Variants in USP6 observed in about 807,000 individuals in gnomAD.
USP6 encodes the protein ubiquitin specific peptidase 6, also known as ubiquitin carboxyl-terminal hydrolase 6.
Under a neutral mutation model 175.7 loss-of-function variants are expected in USP6, and 128 were observed. The observed-to-expected ratio is 0.73, with a 90% CI of 0.63 to 0.84. USP6 has a LOEUF of 0.84. USP6 is among the 40% of genes least tolerant of loss of function. The probability of loss-of-function intolerance (pLI) is 0.00; values close to 1 mark genes in which losing one functional copy is unlikely to be tolerated. For missense variants in USP6, 1,498 were observed against 1,760.3 expected, an observed-to-expected ratio of 0.85 and a Z score of 2.67; for synonymous variants, 562 against 630.6, an observed-to-expected ratio of 0.89 and a Z score of 1.63.
At chr17:5,166,476 C>G (rs577548645) in intron 33 of USP6, among the ~76,000 whole-genome samples, 1 of 152,204 alleles carries the variant, frequency 6.6e-6, no homozygotes, top group South Asian at 2.1e-4. Flanking sequence ...CCTAAGGTTC[C>G]CATCATGAGT....
chr17:5,138,226 C>T lies in USP6; in HGVS notation c.1031C>T (p.Ala344Val), dbSNP rs142089448. Residue 344 changes from alanine (A) to valine (V), a missense_variant, in exon 21 of 38, where the codon GCC (alanine) becomes GTC (valine). Ala to Val is a moderately conservative substitution (Grantham distance 64). Transcript: ENST00000574788. ...NDDTVLKHLR[A>V]STKKLTRKQG... is the part of the protein sequence containing the mutation. ...GACACCGTGCTCAAGCATCTTAGGG[C>T]CTCTACGAAGAAACTAACAAGGAAG... 3 of 1,613,934 alleles carry T rather than the reference C, an allele frequency of 1.9e-6. No individual in the cohort carries two copies. Among genetic ancestry groups the T allele is most frequent in the East Asian group, 2.2e-5 (1 of 44,890 alleles).
Position 5,139,328 on chromosome 17 carries a change from G to T in USP6, c.1152G>T (p.Gly384=). 2.5e-6 allele frequency: 4 copies of T among 1,611,816 alleles called. No individual in the cohort carries two copies. The highest frequency in any genetic ancestry group is 3.4e-6 in the Non-Finnish European group (4 of 1,180,026). ...ASRGGKTLCK[G]YRQAPPGPPA... Reference sequence around the variant, plus strand: ...GTGGTGGGAAGACCCTCTGCAAGGGGTATAGGCAGGCCCCTCCAGGCCCAC... The same window carrying T: ...GTGGTGGGAAGACCCTCTGCAAGGGTTATAGGCAGGCCCCTCCAGGCCCAC... The change falls in exon 22 of 38, where the codon GGG becomes GGT. Residue 384 remains glycine (G), a synonymous_variant. Coordinates refer to ENST00000574788, the MANE Select transcript of USP6 (RefSeq NM_001304284.2).
At chr17:5,157,128 C>G (rs1258930780) in intron 31 of USP6, among the ~76,000 whole-genome samples, 2 of 152,164 alleles carry the variant, frequency 1.3e-5, no homozygotes, top group African/African-American at 4.8e-5. Flanking sequence ...CTCTGTCACC[C>G]AGGCTGGAGT....
In USP6 at chr17:5,138,140, C is replaced by G. The variant is rs1444659214; in HGVS notation, c.945C>G (p.Ser315=). The change falls in exon 21 of 38, where the codon TCC becomes TCG. Residue 315 remains serine, a synonymous_variant. Transcript: ENST00000574788. The part of the protein sequence containing the change: ...KVQQKRLMKT[S]RCGLWARLRN... ...CCCTAGAGCGCCTCATGAAGACATCCAGGTGTGGCCTGTGGGCACGTCTGC... is the reference window on the plus strand; with the variant it reads ...CCCTAGAGCGCCTCATGAAGACATCGAGGTGTGGCCTGTGGGCACGTCTGC... 6.2e-7 allele frequency: 1 copy of G among 1,614,006 alleles called. No individual in the cohort carries two copies. Among genetic ancestry groups the G allele is most frequent in the African/African-American group, 1.3e-5 (1 of 74,916 alleles).
At chr17:5,128,703 G>A (rs1471032282) in intron 7 of USP6, 2 of 152,672 alleles carry the variant, frequency 1.3e-5, no homozygotes, top group Non-Finnish European at 2.9e-5. Flanking sequence ...AGGCAGCGGA[G>A]GACCCTGACT....
Position 5,148,593 on chromosome 17 carries a change from C to T in USP6, c.2469C>T (p.Thr823=). The T allele has an allele frequency of 6.2e-7, 1 of 1,613,764 alleles. No individual in the cohort carries two copies. Among genetic ancestry groups the T allele is most frequent in the South Asian group, 1.1e-5 (1 of 91,048 alleles). ...SSSPSTNGMF[T]LTTNGDLPKP... is the part of the protein sequence containing the mutation. ...CACCATCTACAAATGGAATGTTCAC[C>T]CTAACTACCAATGGGGACCTACCCA... Residue 823 remains threonine, a synonymous_variant, in exon 30 of 38, where the codon ACC becomes ACT. Coordinates refer to ENST00000574788, the MANE Select transcript of USP6 (RefSeq NM_001304284.2).
chr17:5,118,727 G>A (rs900521261), intron 2 of USP6, among the ~76,000 whole-genome samples: 3 of 152,190 alleles, frequency 2.0e-5, no homozygotes, highest in African/African-American at 7.2e-5. Flanking sequence ...GAATTTTACA[G>A]AGTGATCACA....
At chr17:5,161,716 G>T in intron 32 of USP6, 102 bp downstream of exon 32, 1 of 1,338,260 alleles carries the variant, frequency 7.5e-7, no homozygotes, top group Admixed American at 2.1e-5. Flanking sequence ...AGTGAATAAT[G>T]AGAAACTTAA....
At chr17:5,120,849 C>T in intron 3 of USP6, 61 bp downstream of exon 3, 5 of 454,274 alleles carry the variant, frequency 1.1e-5, no homozygotes, top group South Asian at 7.8e-5. Flanking sequence ...CATGCTGGTG[C>T]AGCTGGAACG....
chr17:5,130,318 T>C, intron 9 of USP6, 49 bp from the exon 10 acceptor site: 3 of 1,600,622 alleles, frequency 1.9e-6, no homozygotes, highest in Non-Finnish European at 2.6e-6. Flanking sequence ...TCAGGTGTTC[T>C]CCGAAGCTGT....
intron 2 of USP6, among the ~76,000 whole-genome samples, chr17:5,118,711 G>A (rs1329543654): frequency 6.6e-6 from 1 of 152,214 alleles, no homozygotes; most frequent in Non-Finnish European, 1.5e-5. Context: ...GGATGGTGAA[G>A]GTGGAGAATT....
At chr17:5,148,905 A>G (rs1308638514) in intron 30 of USP6, 138 bp downstream of exon 30, 109 of 1,410,838 alleles carry the variant, frequency 7.7e-5, no homozygotes, top group Non-Finnish European at 9.8e-5. Flanking sequence ...TACTTTTACA[A>G]ATTTTATTTT....
At chr17:5,144,906 G>A (rs982349585) in intron 26 of USP6, 43 bp downstream of exon 26, 6 of 1,552,822 alleles carry the variant, frequency 3.9e-6, no homozygotes, top group Admixed American at 1.9e-5. Context: ...TAGACAAAAT[G>A]TTCTGACCAC....
rs953047276 is a variant in USP6, at chr17:5,120,935, A to G, written c.-1675+147A>G. ...GACCAGCCCCTCATGATTTCGATGT[A>G]AAATGTGAGGCTCAGAGAGGACTCA... On this transcript the variant is annotated intron_variant, in intron 3 of 37. Coordinates refer to ENST00000574788, the MANE Select transcript of USP6 (RefSeq NM_001304284.2). 4 of 454,558 alleles carry G rather than the reference A, an allele frequency of 8.8e-6. No homozygotes were observed. The Admixed American group carries it at 9.4e-5, about 11-fold the overall frequency. 28.2% of individuals were successfully genotyped at this position (454,558 alleles called of 1,614,324 possible). A position where few individuals can be genotyped will look rare whatever the true frequency, so the allele number is the denominator to read the frequency against.
intron 5 of USP6, 143 bp from the exon 6 acceptor site, chr17:5,125,678 G>GCACACACACACACACACACACACA (rs71151842): frequency 4.4e-5 from 6 of 137,684 alleles, no homozygotes; most frequent in African/African-American, 1.7e-4. Context: ...ACACGCACAT[G>GCACACACACACACACACACACACA]CACACACACA....
rs774856385 is a variant in USP6 at position 5,135,853 on chromosome 17, C to T, written c.589C>T (p.Leu197Phe). The change falls in exon 17 of 38, where the codon CTC (leucine) becomes TTC (phenylalanine). Residue 197 changes from leucine (L) to phenylalanine (F), a missense_variant. Leu to Phe is a conservative substitution (Grantham distance 22). Around this residue, in one of 2 missense-constraint regions of USP6, gnomAD observed 281 missense variants for 259.6 expected, o/e 1.08. Coordinates refer to ENST00000574788, the MANE Select transcript of USP6 (RefSeq NM_001304284.2). ...CCTGAGCCACATCACCGCCTTGTTC[C>T]TCCTTTATCTGCCTGAGGAGGACGC... is the stretch of plus-strand genomic sequence containing the variant. ...RDLSHITALF[L>F]LYLPEEDAFW... 1.9e-6 allele frequency: 3 copies of T among 1,599,312 alleles called. No homozygotes were observed. Among genetic ancestry groups the T allele is most frequent in the Admixed American group, 1.7e-5 (1 of 60,002 alleles).
At chr17:5,159,854 T>C (rs952605991) in intron 31 of USP6, among the ~76,000 whole-genome samples, 1 of 151,682 alleles carries the variant, frequency 6.6e-6, no homozygotes, top group Non-Finnish European at 1.5e-5. Flanking sequence ...TCCTAGCTAC[T>C]TGGGAGGCTG....
At chr17:5,134,836 A>G (rs1273514359) in intron 15 of USP6, 3 of 314,766 alleles carry the variant, frequency 9.5e-6, no homozygotes, top group Non-Finnish European at 1.8e-5. Context: ...GGGCTGACGG[A>G]TCGGGGAGAG....
intron 16 of USP6, 133 bp downstream of exon 16, chr17:5,135,415 G>C: frequency 8.1e-7 from 1 of 1,236,270 alleles, no homozygotes; most frequent in Non-Finnish European, 1.2e-6. Flanking sequence ...TAGGATTCTA[G>C]GTCACCGCTG....
Sources: allele counts gnomAD v4.1 joint callset (sites outside exome capture counted in the v4.1 genomes callset), GRCh38; gene constraint gnomAD v4.1.1; regional missense constraint gnomAD v4.1.1; transcripts MANE v1.5; gene names NCBI Gene and HGNC (gene_info 2026-07-23, HGNC 2026-07-21).